The following KIAA1549 variants were observed in gnomAD, a reference collection of about 807,000 sequenced individuals.
KIAA1549 encodes the protein UPF0606 protein KIAA1549.
Under a neutral mutation model 156.4 loss-of-function variants are expected in KIAA1549, and 70 were observed. The observed-to-expected ratio is 0.45, with a 90% CI of 0.37 to 0.55. The LOEUF is 0.55. KIAA1549 is among the 20% of genes least tolerant of loss of function. KIAA1549 has a pLI of 0.00. For missense variants in KIAA1549, 2,428 were observed against 2,540.9 expected, an observed-to-expected ratio of 0.96 and a Z score of 0.96; for synonymous variants, 1,103 against 1,066.4, an observed-to-expected ratio of 1.03 and a Z score of -0.67.
intron 8 of KIAA1549, among the ~76,000 whole-genome samples, chr7:138,900,694 T>C (rs971760037): frequency 7.2e-5 from 11 of 152,166 alleles, no homozygotes; most frequent in African/African-American, 2.7e-4. Context: ...CTCGAGGTAA[T>C]GAGTTCTTGC....
At chr7:138,960,670 A>C (rs540066310) in intron 1 of KIAA1549, among the ~76,000 whole-genome samples, 3 of 152,080 alleles carry the variant, frequency 2.0e-5, no homozygotes, top group African/African-American at 7.2e-5. Context: ...AAAGGGCTGA[A>C]CCTCCCAGAC....
intron 1 of KIAA1549, among the ~76,000 whole-genome samples, chr7:138,930,083 C>G (rs572685746): frequency 6.6e-6 from 1 of 152,300 alleles, no homozygotes; most frequent in Admixed American, 6.5e-5. Flanking sequence ...ACTTTAATCT[C>G]CTTATCCATC....
intron 12 of KIAA1549, among the ~76,000 whole-genome samples, chr7:138,877,679 ACTAT>A (rs1278538931): frequency 1.3e-5 from 2 of 152,204 alleles, no homozygotes; most frequent in East Asian, 3.8e-4. Context: ...TAGTGAGAAA[ACTAT>A]CTTTCTACAA....
intron 10 of KIAA1549, among the ~76,000 whole-genome samples, chr7:138,893,163 G>A (rs1397622272): frequency 2.6e-5 from 4 of 152,192 alleles, no homozygotes; most frequent in Non-Finnish European, 2.9e-5. Context: ...TGAAACATAC[G>A]TTGGAAAAGA....
At chr7:138,922,982 A>G (rs1259304773) in intron 1 of KIAA1549, among the ~76,000 whole-genome samples, 2 of 152,208 alleles carry the variant, frequency 1.3e-5, no homozygotes, top group Non-Finnish European at 2.9e-5. Context: ...ATCCAAACCT[A>G]TACACATCAT....
chr7:138,910,362 A>G (rs1422752954), intron 4 of KIAA1549, among the ~76,000 whole-genome samples: 1 of 148,948 alleles, frequency 6.7e-6, no homozygotes, highest in Non-Finnish European at 1.5e-5. Context: ...ACTTAGGAAG[A>G]CCCCATCTCT....
intron 16 of KIAA1549, among the ~76,000 whole-genome samples, chr7:138,859,549 C>A (rs1461427434): frequency 6.6e-6 from 1 of 152,178 alleles, no homozygotes; most frequent in Non-Finnish European, 1.5e-5. Context: ...TGCTCTCCTG[C>A]ACGCTCCCTC....
At chr7:138,971,621 G>T (rs1384076204) in intron 1 of KIAA1549, among the ~76,000 whole-genome samples, 1 of 152,082 alleles carries the variant, frequency 6.6e-6, no homozygotes, top group African/African-American at 2.4e-5. Flanking sequence ...TGAGGGGCTG[G>T]GTCCTACCCA....
chr7:138,894,344 T>G lies in KIAA1549; in HGVS notation c.4030A>C (p.Lys1344Gln). 1 of 1,613,898 alleles carries G rather than the reference T, an allele frequency of 6.2e-7. No individual in the cohort carries two copies. Among genetic ancestry groups the G allele is most frequent in the Non-Finnish European group, 8.5e-7 (1 of 1,179,826 alleles). The change falls in exon 10 of 20, where the codon AAG (lysine) becomes CAG (glutamine). Residue 1344 changes from lysine (K) to glutamine (Q), a missense_variant and splice_region_variant. This residue lies in a region of KIAA1549 where 762 missense variants were observed against 901.6 expected (regional missense o/e 0.85). Transcript: ENST00000422774. ...TGGGGGAAGAGGCTGCCCGTTACCT[T>G]CTGACGCTGCTGAATGTTGGCCACA... Reference protein sequence around the residue: ...DTVANIQQRQKLQIPSVKGFD... With the variant: ...DTVANIQQRQQLQIPSVKGFD...
intron 1 of KIAA1549, among the ~76,000 whole-genome samples, chr7:138,919,835 G>C (rs998149277): frequency 6.6e-6 from 1 of 152,060 alleles, no homozygotes; most frequent in African/African-American, 2.4e-5. Context: ...AGACAGAGTG[G>C]AACTGGAATC....
chr7:138,837,792 G>A lies in KIAA1549; in HGVS notation c.*114C>T, dbSNP rs901207634. On this transcript the variant is annotated 3_prime_UTR_variant, in exon 20 of 20. Coordinates refer to ENST00000422774, the MANE Select transcript of KIAA1549 (RefSeq NM_001164665.2). ...AAATTGCAACTTGCTCCCTCCCTTG[G>A]GCAGGCTGCCCGAGAGTTGCTCCTT... is the stretch of plus-strand genomic sequence containing the variant. 8 of 1,271,168 alleles carry A rather than the reference G, an allele frequency of 6.3e-6. No homozygotes were observed. The Admixed American group carries it at 2.0e-4, about 32-fold the overall frequency. 78.7% of individuals were successfully genotyped at this position (1,271,168 alleles called of 1,614,324 possible). A position where few individuals can be genotyped will look rare whatever the true frequency, so the allele number is the denominator to read the frequency against.
intron 1 of KIAA1549, among the ~76,000 whole-genome samples, chr7:138,938,002 G>T (rs780148350): frequency 1.5e-4 from 23 of 152,120 alleles, no homozygotes; most frequent in Non-Finnish European, 2.5e-4. Context: ...CTGAATATTT[G>T]TGTCCCCCTA....
At chr7:138,929,135 T>C (rs538963709) in intron 1 of KIAA1549, among the ~76,000 whole-genome samples, 1 of 152,368 alleles carries the variant, frequency 6.6e-6, no homozygotes, top group East Asian at 1.9e-4. Flanking sequence ...CATGAAAGAC[T>C]TCTCTGTAGC....
intron 17 of KIAA1549, among the ~76,000 whole-genome samples, chr7:138,848,208 T>G (rs1259208432): frequency 1.3e-5 from 2 of 152,236 alleles, no homozygotes. Context: ...TTTTCTTGCC[T>G]TGTTACAGAG....
intron 12 of KIAA1549, among the ~76,000 whole-genome samples, chr7:138,878,134 TAA>T (rs1465022474): frequency 1.3e-5 from 2 of 152,238 alleles, no homozygotes; most frequent in Non-Finnish European, 2.9e-5. Context: ...TCCCTTTTTC[TAA>T]GGGGATGTCC....
chr7:138,979,894 G>A (rs1406329175), intron 1 of KIAA1549, among the ~76,000 whole-genome samples: 1 of 152,222 alleles, frequency 6.6e-6, no homozygotes, highest in African/African-American at 2.4e-5. Flanking sequence ...CTGTGACCTT[G>A]AGCAAGGCAC....
chr7:138,875,998 C>T (rs551016029), intron 12 of KIAA1549, among the ~76,000 whole-genome samples: 4 of 151,894 alleles, frequency 2.6e-5, no homozygotes, highest in South Asian at 4.2e-4. Flanking sequence ...GTCAGAGTCT[C>T]GCTACGTAGC....
intron 6 of KIAA1549, among the ~76,000 whole-genome samples, chr7:138,906,116 T>C (rs1036384075): frequency 6.6e-6 from 1 of 152,262 alleles, no homozygotes; most frequent in East Asian, 1.9e-4. Flanking sequence ...AGCAGGGCTC[T>C]GCAGACCCAT....
chr7:138,863,814 C>T (rs1810657686), intron 15 of KIAA1549, among the ~76,000 whole-genome samples: 1 of 152,192 alleles, frequency 6.6e-6, no homozygotes, highest in East Asian at 1.9e-4. Flanking sequence ...TTTCTCCCAA[C>T]TGCAACATCC....
Sources: gnomAD v4.1 joint callset for allele counts (sites outside exome capture counted in the v4.1 genomes callset) on GRCh38, gnomAD v4.1.1 for gene constraint, gnomAD v4.1.1 regional missense constraint, MANE v1.5 for transcripts, NCBI Gene and HGNC (gene_info 2026-07-23, HGNC 2026-07-21) for gene names.